Variants in MICU2 observed in about 807,000 individuals in gnomAD.
MICU2 encodes calcium uptake protein 2, mitochondrial.
Under a neutral mutation model 60.4 loss-of-function variants are expected in MICU2, and 64 were observed. The ratio of observed to expected loss-of-function variants is 1.06; its 90% CI spans 0.87 to 1.31. The LOEUF is 1.31. Among genes scored for constraint, MICU2 ranks in the 50% most tolerant of loss-of-function variants. MICU2 has a pLI of 0.00. For missense variants in MICU2, 569 were observed against 531.0 expected, an observed-to-expected ratio of 1.07 and a Z score of -0.70; for synonymous variants, 201 against 175.0, an observed-to-expected ratio of 1.15 and a Z score of -1.17.
intron 1 of MICU2, 124 bp from the exon 2 acceptor site, chr13:21,567,068 C>T (rs1029603879): frequency 1.3e-4 from 102 of 788,966 alleles, no homozygotes; most frequent in Non-Finnish European, 3.1e-5. Context: ...TAAAATCATT[C>T]ATTTAACAAA....
intron 4 of MICU2, among the ~76,000 whole-genome samples, chr13:21,530,220 T>A (rs1333367731): frequency 6.6e-6 from 1 of 152,218 alleles, no homozygotes; most frequent in African/African-American, 2.4e-5. Flanking sequence ...ATGTGCATTT[T>A]AAAAATTTAT....
At chr13:21,559,046 T>G (rs1887775897) in intron 2 of MICU2, among the ~76,000 whole-genome samples, 1 of 152,156 alleles carries the variant, frequency 6.6e-6, no homozygotes, top group African/African-American at 2.4e-5. Flanking sequence ...AGTTCTTGGT[T>G]CAAGCATCCC....
chr13:21,516,179 T>A (rs1886564600), intron 6 of MICU2, among the ~76,000 whole-genome samples: 1 of 152,208 alleles, frequency 6.6e-6, no homozygotes, highest in African/African-American at 2.4e-5. Context: ...ATCAGCCAAT[T>A]TTGACAAAGT....
At chr13:21,495,882 C>A in intron 10 of MICU2, 170 bp downstream of exon 10, 3 of 544,064 alleles carry the variant, frequency 5.5e-6, no homozygotes, top group Non-Finnish European at 9.6e-6. Flanking sequence ...TAGAAAGTAA[C>A]CATTAAACTG....
intron 2 of MICU2, among the ~76,000 whole-genome samples, chr13:21,554,362 C>G (rs1380545303): frequency 2.0e-5 from 3 of 152,124 alleles, no homozygotes; most frequent in Non-Finnish European, 2.9e-5. Flanking sequence ...CAAATTAGAA[C>G]TCTGGATTAA....
At chr13:21,566,556 T>C (rs1319835092) in intron 2 of MICU2, among the ~76,000 whole-genome samples, 1 of 152,138 alleles carries the variant, frequency 6.6e-6, no homozygotes, top group African/African-American at 2.4e-5. Context: ...ATGACATATT[T>C]AGTAGCAATT....
intron 8 of MICU2, among the ~76,000 whole-genome samples, chr13:21,505,856 A>G (rs143719169): frequency 3.3e-4 from 51 of 152,274 alleles, no homozygotes; most frequent in African/African-American, 1.1e-3. Context: ...ATCAGATTCT[A>G]GTTATAAAGA....
chr13:21,514,802 A>T (rs1886526570), intron 6 of MICU2, among the ~76,000 whole-genome samples: 2 of 151,876 alleles, frequency 1.3e-5, no homozygotes, highest in Admixed American at 6.6e-5. Flanking sequence ...GGCCTCCCAA[A>T]GTGCTGGGAT....
At chr13:21,530,938 C>A (rs1886980938) in intron 4 of MICU2, 1 of 765,466 alleles carries the variant, frequency 1.3e-6, no homozygotes, top group Admixed American at 1.7e-5. Flanking sequence ...TGGCCCCAAT[C>A]CTGTGGTCCA....
intron 2 of MICU2, among the ~76,000 whole-genome samples, chr13:21,551,583 C>T (rs951448829): frequency 1.8e-5 from 2 of 110,068 alleles, no homozygotes; most frequent in Non-Finnish European, 1.8e-5. Flanking sequence ...GCTATCCCTC[C>T]CCCCTCCCCC....
intron 1 of MICU2, among the ~76,000 whole-genome samples, chr13:21,583,125 C>T (rs901863723): frequency 1.3e-5 from 2 of 152,212 alleles, no homozygotes; most frequent in East Asian, 1.9e-4. Context: ...TGGGCTAGCT[C>T]ATGCCTGTAG....
intron 2 of MICU2, among the ~76,000 whole-genome samples, chr13:21,556,628 G>A (rs1006538178): frequency 2.6e-5 from 4 of 152,140 alleles, no homozygotes; most frequent in Non-Finnish European, 5.9e-5. Flanking sequence ...AGGGGGCGGA[G>A]GAATCAGCCT....
At chr13:21,530,841 C>T (rs1886978293) in intron 4 of MICU2, 6 of 726,752 alleles carry the variant, frequency 8.3e-6, no homozygotes, top group Admixed American at 4.0e-5. Flanking sequence ...CCATGGACGA[C>T]GGGTTTCTGA....
intron 9 of MICU2, among the ~76,000 whole-genome samples, chr13:21,500,532 A>G (rs763565663): frequency 2.0e-5 from 3 of 147,224 alleles, no homozygotes; most frequent in Non-Finnish European, 4.4e-5. Flanking sequence ...CTCCCGCCTC[A>G]GCCTCCTGAG....
chr13:21,519,564 T>C (rs1271662391), intron 6 of MICU2, among the ~76,000 whole-genome samples: 2 of 152,228 alleles, frequency 1.3e-5, no homozygotes, highest in Non-Finnish European at 2.9e-5. Context: ...AAGTCTCTGG[T>C]CTTATCCCTT....
chr13:21,562,401 A>G (rs954769943), intron 2 of MICU2, among the ~76,000 whole-genome samples: 8 of 152,050 alleles, frequency 5.3e-5, no homozygotes, highest in African/African-American at 1.2e-4. Context: ...ATCTGGATTG[A>G]TATCTACCAT....
chr13:21,602,350 G>A (rs759797492), intron 1 of MICU2, among the ~76,000 whole-genome samples: 31 of 151,878 alleles, frequency 2.0e-4, no homozygotes, highest in Non-Finnish European at 4.6e-4. Context: ...GTGAAACCCC[G>A]TCTCTACTAA....
At chr13:21,504,219 C>G (rs1371226436) in intron 8 of MICU2, among the ~76,000 whole-genome samples, 2 of 151,948 alleles carry the variant, frequency 1.3e-5, no homozygotes, top group Non-Finnish European at 2.9e-5. Context: ...TATACTTTGC[C>G]TTTTATTTTG....
intron 1 of MICU2, among the ~76,000 whole-genome samples, chr13:21,593,669 G>C (rs1888635025): frequency 6.6e-6 from 1 of 150,480 alleles, no homozygotes; most frequent in African/African-American, 2.4e-5. Flanking sequence ...GCATGGTACT[G>C]GTACCAAAAC....
Sources: gnomAD v4.1 joint callset for allele counts (sites outside exome capture counted in the v4.1 genomes callset) on GRCh38, gnomAD v4.1.1 for gene constraint, MANE v1.5 for transcripts, NCBI Gene and HGNC (gene_info 2026-07-23, HGNC 2026-07-21) for gene names.